Variants in CD36 observed in about 807,000 individuals in gnomAD.
CD36 encodes the protein CD36 molecule (CD36 blood group).
In CD36, 119 loss-of-function variants were observed where a neutral mutation model predicts 55.2. That is an observed-to-expected ratio of 2.15 (90% CI 1.86 to 2.51). The LOEUF (loss-of-function observed/expected upper bound fraction) is 2.51, where lower values mean the gene tolerates loss of function less well. Ranked by LOEUF, CD36 falls within the 30% of genes most tolerant of loss-of-function variation. The probability of loss-of-function intolerance (pLI) is 0.00; values close to 1 mark genes in which losing one functional copy is unlikely to be tolerated. For missense variants in CD36, 819 were observed against 555.5 expected, an observed-to-expected ratio of 1.47 and a Z score of -4.77; for synonymous variants, 186 against 193.6, an observed-to-expected ratio of 0.96 and a Z score of 0.33.
At chr7:80,631,801 G>A (rs1481239481) in intron 1 of CD36, among the ~76,000 whole-genome samples, 2 of 150,734 alleles carry the variant, frequency 1.3e-5, no homozygotes, top group African/African-American at 4.9e-5. Context: ...ATTTCTGGAA[G>A]TTTTATATAT....
At chr7:80,656,743 A>G (rs1215810382) in intron 4 of CD36, 43 bp downstream of exon 4, 14 of 1,566,432 alleles carry the variant, frequency 8.9e-6, no homozygotes, top group African/African-American at 6.8e-5. Context: ...TACCTTGACC[A>G]TGTATTTCTG....
intron 1 of CD36, among the ~76,000 whole-genome samples, chr7:80,612,120 T>G (rs578089496): frequency 6.6e-6 from 1 of 152,286 alleles, no homozygotes; most frequent in African/African-American, 2.4e-5. Flanking sequence ...AGTACAAAGT[T>G]CTTTGTTACT....
rs1584403471 is a variant in CD36 at position 80,656,673 on chromosome 7, T to G, written c.254T>G (p.Val85Gly). 1.2e-6 allele frequency: 2 copies of G among 1,613,790 alleles called. No homozygotes were observed. Among genetic ancestry groups the G allele is most frequent in the South Asian group, 1.1e-5 (1 of 91,074 alleles). The change falls in exon 4 of 15, where the codon GTT becomes GGT. Residue 85 changes from valine to glycine, a missense_variant. Val to Gly is a moderately radical substitution (Grantham distance 109). Transcript: ENST00000447544. ...ATGATGAACAGCAGCAACATTCAAG[T>G]TAAGCAAAGAGGTCCTTATACGTAC... is the stretch of plus-strand genomic sequence containing the variant. Reference protein sequence around the residue: ...EVMMNSSNIQVKQRGPYTYRV... With the variant: ...EVMMNSSNIQGKQRGPYTYRV...
upstream of CD36, among the ~76,000 whole-genome samples, chr7:80,636,075 A>G (rs943641484): frequency 3.3e-5 from 5 of 152,100 alleles, no homozygotes; most frequent in Non-Finnish European, 7.4e-5. Context: ...CAAAAACCCA[A>G]CATTCTAGCA....
chr7:80,673,205 T>A (rs1797888532), intron 12 of CD36, 150 bp from the exon 13 acceptor site: 1 of 527,966 alleles, frequency 1.9e-6, no homozygotes, highest in Non-Finnish European at 3.4e-6. Context: ...GCAAAGGAAG[T>A]CAAAAACAAC....
intron 12 of CD36, chr7:80,673,073 C>T (rs1463339064): frequency 5.6e-6 from 3 of 534,592 alleles, no homozygotes; most frequent in Non-Finnish European, 9.9e-6. Flanking sequence ...TTGTTAGCTG[C>T]CCAAATATTT....
intron 4 of CD36, among the ~76,000 whole-genome samples, chr7:80,658,444 T>C (rs1796262777): frequency 1.3e-5 from 2 of 152,096 alleles, no homozygotes; most frequent in South Asian, 4.1e-4. Context: ...GAACTCATCA[T>C]GATTTTTTTT....
At chr7:80,632,260 TA>T (rs200544591) in intron 1 of CD36, among the ~76,000 whole-genome samples, 3,190 of 139,242 alleles carry the variant, frequency 0.023, 76 homozygotes, top group East Asian at 0.087. Flanking sequence ...CTTCTCCATT[TA>T]AAAAAAAAAA....
intron 7 of CD36, chr7:80,666,221 G>A: frequency 2.0e-6 from 1 of 500,690 alleles, no homozygotes; most frequent in Non-Finnish European, 3.6e-6. Flanking sequence ...ACACCTGGCA[G>A]TTTTTATTTT....
At chr7:80,635,108 G>A (rs1377981670), upstream of CD36, among the ~76,000 whole-genome samples, 3 of 152,060 alleles carry the variant, frequency 2.0e-5, no homozygotes, top group Non-Finnish European at 4.4e-5. Context: ...CTGGGGGAAG[G>A]TTAACACACA....
intron 1 of CD36, among the ~76,000 whole-genome samples, chr7:80,611,725 G>T (rs1792887735): frequency 6.6e-6 from 1 of 152,256 alleles, no homozygotes; most frequent in Non-Finnish European, 1.5e-5. Flanking sequence ...ATAGAGATTT[G>T]CTCTGAATTA....
upstream of CD36, among the ~76,000 whole-genome samples, chr7:80,635,494 C>T (rs7812074): frequency 0.012 from 1,773 of 152,172 alleles, 41 homozygotes; most frequent in African/African-American, 0.04. Context: ...AAGCTACTCT[C>T]GAACTCCTGA....
chr7:80,675,227 A>T (rs1798111252), intron 14 of CD36, among the ~76,000 whole-genome samples: 1 of 151,920 alleles, frequency 6.6e-6, no homozygotes, highest in African/African-American at 2.4e-5. Flanking sequence ...ACATTATAAA[A>T]AGTTAAATAT....
intron 1 of CD36, among the ~76,000 whole-genome samples, chr7:80,627,595 T>G (rs1461923530): frequency 6.6e-6 from 1 of 151,880 alleles, no homozygotes; most frequent in Non-Finnish European, 1.5e-5. Context: ...AAGGAGATAG[T>G]AGATTGGCAT....
chr7:80,640,502 G>C (rs1309390328), intron 1 of CD36, among the ~76,000 whole-genome samples: 1 of 151,932 alleles, frequency 6.6e-6, no homozygotes, highest in South Asian at 2.1e-4. Context: ...AGAGAAAACT[G>C]TATCACAGAC....
chr7:80,663,258 C>T, intron 6 of CD36, 89 bp downstream of exon 6: 1 of 1,135,210 alleles, frequency 8.8e-7, no homozygotes, highest in South Asian at 1.3e-5. Context: ...TAATTTAGCT[C>T]ATTAGTCTTA....
At chr7:80,674,452 G>C (rs1266165059) in intron 14 of CD36, 1 of 308,974 alleles carries the variant, frequency 3.2e-6, no homozygotes, top group African/African-American at 2.2e-5. Flanking sequence ...TATATAGCTA[G>C]TTATATATTA....
intron 8 of CD36, among the ~76,000 whole-genome samples, chr7:80,667,756 T>TTTTTTTTTTTTTTTTTG (rs1797255709): frequency 1.5e-5 from 2 of 137,872 alleles, no homozygotes; most frequent in African/African-American, 5.5e-5. Flanking sequence ...TGTTTTTTTT[T>TTTTTTTTTTTTTTTTTG]TTTTTTTTTT....
intron 3 of CD36, among the ~76,000 whole-genome samples, chr7:80,650,021 A>G (rs1323219630): frequency 6.6e-6 from 1 of 152,110 alleles, no homozygotes; most frequent in African/African-American, 2.4e-5. Flanking sequence ...AAGAAGGGGG[A>G]ATTAAATCAA....
Sources: gnomAD v4.1 joint callset for allele counts (sites outside exome capture counted in the v4.1 genomes callset) on GRCh38, gnomAD v4.1.1 for gene constraint, MANE v1.5 for transcripts, NCBI Gene and HGNC (gene_info 2026-07-23, HGNC 2026-07-21) for gene names.